MUS81: variants seen among roughly 807,000 people sequenced by gnomAD.
The protein encoded by MUS81 is MUS81 structure-specific endonuclease subunit.
A neutral mutation model predicts 74.2 loss-of-function variants in MUS81; 69 were observed. That is an observed-to-expected ratio of 0.93 (90% confidence interval 0.77 to 1.14). MUS81 has a LOEUF of 1.14. Among genes scored for constraint, MUS81 ranks in the 50% most tolerant of loss-of-function variants. The pLI, the probability that MUS81 is intolerant of heterozygous loss-of-function variation, is 0.00. For missense variants in MUS81, 711 were observed against 726.5 expected (o/e 0.98, Z 0.25); for synonymous variants, 303 against 300.6 (o/e 1.01, Z -0.08).
rs1479417856 is a variant in MUS81, at chr11:65,864,763, A to C, written c.1220A>C (p.Glu407Ala). ...FFVKRTADIK[E>A]SAAYLALLTR... is the part of the protein sequence containing the mutation. ...GTGAAGCGCACAGCAGACATTAAGG[A>C]GTCAGCCGCCTACCTGGCCCTCTTG... The change falls in exon 12 of 16, where the codon GAG becomes GCG. Residue 407 changes from glutamate to alanine, a missense_variant. Glu to Ala is a moderately radical substitution (Grantham distance 107). Coordinates refer to ENST00000308110, the MANE Select transcript of MUS81 (RefSeq NM_025128.5). 2.5e-6 allele frequency: 4 copies of C among 1,613,994 alleles called. No homozygotes were observed. The East Asian group carries it at 8.9e-5, about 36-fold the overall frequency.
At chr11:65,860,201 C>A (rs1293805371), upstream of MUS81, 1 of 453,080 alleles carries the variant, frequency 2.2e-6, no homozygotes, top group Middle Eastern at 3.3e-4. Context: ...CCCACCAATA[C>A]GTTTGCACCC....
Position 65,861,175 on chromosome 11 carries a change from C to G in MUS81, c.265+73C>G. 2.5e-6 allele frequency: 4 copies of G among 1,603,208 alleles called. No homozygotes were observed. The South Asian group carries it at 4.4e-5, about 18-fold the overall frequency. On this transcript the variant is annotated intron_variant, in intron 2 of 15. Coordinates refer to ENST00000308110, the MANE Select transcript of MUS81 (RefSeq NM_025128.5). Reference sequence around the variant, plus strand: ...GAGCCTCCGTACTCTCCTGGGAGCCCTTGGCTTTTAAGCTCCCCACTCCTG... The same window carrying G: ...GAGCCTCCGTACTCTCCTGGGAGCCGTTGGCTTTTAAGCTCCCCACTCCTG...
At position 65,862,635 on chromosome 11, in the gene MUS81, G is replaced by T. The variant is rs1420844483; in HGVS notation, c.605+106G>T. 3.6e-5 allele frequency: 39 copies of T among 1,095,190 alleles called. 1 individual carries two copies. In the South Asian group the frequency reaches 5.2e-4, roughly 15 times the overall value. 67.8% of individuals were successfully genotyped at this position (1,095,190 alleles called of 1,614,324 possible). ...GCTGATGCTGTTGAGATTGGGGGGGGTGGGCCTTTCCTCAGGAGCCCCCAC... is the reference window on the plus strand; with the variant it reads ...GCTGATGCTGTTGAGATTGGGGGGGTTGGGCCTTTCCTCAGGAGCCCCCAC... On this transcript the variant is annotated intron_variant, in intron 6 of 15. Coordinates refer to ENST00000308110, the MANE Select transcript of MUS81 (RefSeq NM_025128.5).
In MUS81 at chr11:65,863,416, T is replaced by C; in HGVS notation, c.753T>C (p.Ser251=). ...VPGAASAELA[S]EAGVQQQPLE... Reference sequence around the variant, plus strand: ...ACCAACACCCCCCACTTAGTGCCAGTGAAGCAGGGGTCCAGCAGCAGCCAC... The same window carrying C: ...ACCAACACCCCCCACTTAGTGCCAGCGAAGCAGGGGTCCAGCAGCAGCCAC... Residue 251 remains serine, a synonymous_variant, in exon 8 of 16, where the codon AGT becomes AGC. Transcript: ENST00000308110. 2 of 1,613,872 alleles carry C rather than the reference T, an allele frequency of 1.2e-6. No homozygotes were observed. The highest frequency in any genetic ancestry group is 1.7e-6 in the Non-Finnish European group (2 of 1,179,952).
rs761347540 is a variant in MUS81 at position 65,865,859 on chromosome 11, A to G, written c.1554A>G (p.Thr518=). The change falls in exon 15 of 16, where the codon ACA becomes ACG. Residue 518 remains threonine, a synonymous_variant. Coordinates refer to ENST00000308110, the MANE Select transcript of MUS81 (RefSeq NM_025128.5). ...GTGCCACCCCCAAGGAACAAGAGAC[A>G]CTGCTGAGCACCATTAAGTGTGGGC... ...DACATPKEQE[T]LLSTIKCGRL... The G allele has an allele frequency of 6.2e-7, 1 of 1,614,056 alleles. No individual in the cohort carries two copies. The highest frequency in any genetic ancestry group is 1.1e-5 in the South Asian group (1 of 91,076).
downstream of MUS81, chr11:65,866,467 G>GA: frequency 1.4e-6 from 1 of 701,584 alleles, no homozygotes; most frequent in South Asian, 1.5e-5. Context: ...TCGTTTTATA[G>GA]AAAAACAGGC....
chr11:65,865,778 T>G, intron 14 of MUS81, 33 bp from the exon 15 acceptor site: 2 of 1,609,198 alleles, frequency 1.2e-6, no homozygotes, highest in Non-Finnish European at 1.7e-6. Flanking sequence ...TGGGCCACTG[T>G]CAGCCTCAGA....
intron 6 of MUS81, 108 bp from the exon 7 acceptor site, chr11:65,862,957 T>C (rs1022587933): frequency 2.1e-6 from 3 of 1,452,674 alleles, no homozygotes; most frequent in African/African-American, 2.8e-5. Flanking sequence ...GGGTCATTTG[T>C]GCAGGGCGCC....
chr11:65,860,635 GC>G lies in MUS81; in HGVS notation c.-116del. 2 of 1,414,356 alleles carry G rather than the reference GC, an allele frequency of 1.4e-6. No individual in the cohort carries two copies. Among genetic ancestry groups the G allele is most frequent in the Non-Finnish European group, 1.9e-6 (2 of 1,041,066 alleles). The allele number at this position is 1,414,356 out of a possible 1,614,324, so 87.6% of individuals were successfully genotyped here. A position where few individuals can be genotyped will look rare whatever the true frequency, so the allele number is the denominator to read the frequency against. ...GGGGCCCCGTGATCTCAACGGTCCT[GC>G]CCTCGGTCTCCCTCTTCCCCCGCCC... On this transcript the variant is annotated 5_prime_UTR_variant, in exon 1 of 16. Coordinates refer to ENST00000308110, the MANE Select transcript of MUS81 (RefSeq NM_025128.5).
intron 10 of MUS81, 153 bp from the exon 11 acceptor site, chr11:65,864,343 AG>A (rs1859731333): frequency 1.0e-5 from 7 of 671,100 alleles, no homozygotes; most frequent in Non-Finnish European, 1.6e-5. Flanking sequence ...AAAGCTGCGG[AG>A]GCCCCTGTGA....
At chr11:65,862,926 C>T in intron 6 of MUS81, 139 bp from the exon 7 acceptor site, 2 of 1,047,156 alleles carry the variant, frequency 1.9e-6, no homozygotes, top group Non-Finnish European at 2.9e-6. Context: ...CCAAGAAGAC[C>T]AGGAGGAGCA....
chr11:65,862,923 G>A (rs1222562545), intron 6 of MUS81, 142 bp from the exon 7 acceptor site: 12 of 1,021,704 alleles, frequency 1.2e-5, no homozygotes, highest in Non-Finnish European at 1.8e-5. Flanking sequence ...GAGCCAAGAA[G>A]ACCAGGAGGA....
Position 65,866,212 on chromosome 11 carries a change from G to A in MUS81, c.*160G>A, listed in dbSNP as rs1395717290. The A allele has an allele frequency of 5.9e-6, 4 of 682,126 alleles. No homozygotes were observed. Among genetic ancestry groups the A allele is most frequent in the Non-Finnish European group, 7.3e-6 (3 of 409,806 alleles). 42.3% of individuals were successfully genotyped at this position (682,126 alleles called of 1,614,324 possible). A position where few individuals can be genotyped will look rare whatever the true frequency, so the allele number is the denominator to read the frequency against. On this transcript the variant is annotated 3_prime_UTR_variant, in exon 16 of 16. Transcript: ENST00000308110. ...CCCTGGGGACCTTGTGAAATACGCA[G>A]GAACCAGGGATACCATCTGGTCCAG...
At position 65,865,211 on chromosome 11, in the gene MUS81, C is replaced by T. The variant is rs1226413252; in HGVS notation, c.1402-9C>T. The T allele has an allele frequency of 5.6e-6, 9 of 1,613,968 alleles. No homozygotes were observed. The highest frequency in any genetic ancestry group is 1.3e-5 in the African/African-American group (1 of 74,918). ...GACCCCCACTGATCCAGCCCTTTCC[C>T]GAACCCAGGCCCAGTCGGTGCGAGA... On this transcript the variant is annotated splice_polypyrimidine_tract_variant and intron_variant, in intron 13 of 15. Coordinates refer to ENST00000308110, the MANE Select transcript of MUS81 (RefSeq NM_025128.5).
At position 65,866,107 on chromosome 11, in the gene MUS81, C is replaced by T. The variant is rs1424562501; in HGVS notation, c.*55C>T. 5.2e-6 allele frequency: 8 copies of T among 1,535,722 alleles called. No individual in the cohort carries two copies. The Admixed American group carries it at 7.7e-5, about 15-fold the overall frequency. ...CGTCTGTCCCCCAACCCAGGCTAGCCAGCCTTTTAACAACATCTTTTGGGG... is the reference window on the plus strand; with the variant it reads ...CGTCTGTCCCCCAACCCAGGCTAGCTAGCCTTTTAACAACATCTTTTGGGG... On this transcript the variant is annotated 3_prime_UTR_variant, in exon 16 of 16. Coordinates refer to ENST00000308110, the MANE Select transcript of MUS81 (RefSeq NM_025128.5).
At chr11:65,862,764 C>A (rs578121779) in intron 6 of MUS81, among the ~76,000 whole-genome samples, 1 of 152,166 alleles carries the variant, frequency 6.6e-6, no homozygotes, top group Non-Finnish European at 1.5e-5. Context: ...GCATTTGACA[C>A]GTTTTAGGAT....
chr11:65,862,701 G>A, intron 6 of MUS81, among the ~76,000 whole-genome samples, 172 bp downstream of exon 6: 1 of 152,262 alleles, frequency 6.6e-6, no homozygotes, highest in Non-Finnish European at 1.5e-5. Flanking sequence ...AGCAGCGGGG[G>A]TGGGAGGGTG....
intron 3 of MUS81, 66 bp from the exon 4 acceptor site, chr11:65,861,881 C>T (rs1859619449): frequency 5.3e-6 from 7 of 1,317,820 alleles, no homozygotes; most frequent in Non-Finnish European, 7.4e-6. Context: ...GCCACAAAGC[C>T]TGCTGGGGAC....
In MUS81 at chr11:65,860,605, T is replaced by G; in HGVS notation, c.-149T>G. The G allele has an allele frequency of 1.1e-5, 12 of 1,073,524 alleles. No individual in the cohort carries two copies. The highest frequency in any genetic ancestry group is 1.4e-5 in the Non-Finnish European group (10 of 738,868). 66.5% of individuals were successfully genotyped at this position (1,073,524 alleles called of 1,614,324 possible). A position where few individuals can be genotyped will look rare whatever the true frequency, so the allele number is the denominator to read the frequency against. On this transcript the variant is annotated 5_prime_UTR_variant, in exon 1 of 16. Transcript: ENST00000308110. ...GCTCTCCTCTCGTTAGTGCCCCCTG[T>G]GTTTGGGGCCCCGTGATCTCAACGG...
Sources: allele counts gnomAD v4.1 joint callset (sites outside exome capture counted in the v4.1 genomes callset), GRCh38; gene constraint gnomAD v4.1.1; transcripts MANE v1.5; gene names NCBI Gene and HGNC (gene_info 2026-07-23, HGNC 2026-07-21).